The following LTK variants were observed in gnomAD, a reference collection of about 807,000 sequenced individuals.
LTK encodes the protein leukocyte receptor tyrosine kinase.
LTK carries 117 observed loss-of-function variants against 101.5 expected under a neutral mutation model. The observed-to-expected ratio is 1.15, with a 90% CI of 0.99 to 1.34. The LOEUF is 1.34. Ranked by LOEUF, LTK falls within the 40% of genes most tolerant of loss-of-function variation. LTK has a pLI of 0.00. For synonymous variants in LTK, 563 were observed against 494.2 expected, an observed-to-expected ratio of 1.14 and a Z score of -1.85; for missense variants, 1,252 against 1,164.7, an observed-to-expected ratio of 1.07 and a Z score of -1.09.
Position 41,505,321 on chromosome 15 carries a change from G to A in LTK, c.1828-16C>T, listed in dbSNP as rs753446688. ...ATGGCTGGCCCTGGGTCAGGCAGAG[G>A]GGGCATCAGTCCATGTAGGTCTCAG... On this transcript the variant is annotated splice_polypyrimidine_tract_variant and intron_variant, in intron 14 of 19. Transcript: ENST00000263800. 4 of 1,613,680 alleles carry A rather than the reference G, an allele frequency of 2.5e-6. No homozygotes were observed. The highest frequency in any genetic ancestry group is 1.7e-6 in the Non-Finnish European group (2 of 1,179,816).
intron 11 of LTK, 107 bp downstream of exon 11, chr15:41,506,988 G>A (rs1201970587): frequency 9.1e-7 from 1 of 1,093,502 alleles, no homozygotes; most frequent in Non-Finnish European, 1.3e-6. Flanking sequence ...TTACACAAGG[G>A]ATGTGGGCCA....
chr15:41,510,456 C>A (rs1026937549), intron 7 of LTK, among the ~76,000 whole-genome samples: 6 of 151,014 alleles, frequency 4.0e-5, no homozygotes, highest in African/African-American at 1.5e-4. Flanking sequence ...AGGATAATTT[C>A]CATTGTTTTT....
chr15:41,504,770 C>T lies in LTK; in HGVS notation c.2120+3G>A, dbSNP rs776555707. On this transcript the variant is annotated splice_donor_region_variant and intron_variant, in intron 17 of 19. Transcript: ENST00000263800. ...GGGAAGGGGAGGGGAAGGGTGTTAT[C>T]ACCAGGAATCTGTCTTGGATGTGAA... 2.6e-6 allele frequency: 4 copies of T among 1,564,194 alleles called. No homozygotes were observed. Among genetic ancestry groups the T allele is most frequent in the Non-Finnish European group, 3.5e-6 (4 of 1,142,498 alleles).
In LTK at chr15:41,505,778, C is replaced by G; in HGVS notation, c.1633-1G>C. The stretch of plus-strand genomic sequence containing the variant: ...GAGGCGAGCAGAGTTCTGGCAGGGT[C>G]TGGGGAGGAAAAGGGCACAGTTTCT... On this transcript the variant is annotated splice_acceptor_variant, in intron 12 of 19. Transcript: ENST00000263800. LOFTEE classifies it high-confidence loss of function. 2 of 1,613,788 alleles carry G rather than the reference C, an allele frequency of 1.2e-6. No individual in the cohort carries two copies. The highest frequency in any genetic ancestry group is 1.7e-6 in the Non-Finnish European group (2 of 1,179,888).
Position 41,507,639 on chromosome 15 carries a change from C to T in LTK, c.1268G>A (p.Gly423Asp), listed in dbSNP as rs777304468. 6.2e-6 allele frequency: 10 copies of T among 1,613,602 alleles called. No homozygotes were observed. The East Asian group carries it at 8.9e-5, about 14-fold the overall frequency. Residue 423 changes from glycine to aspartate, a missense_variant, in exon 10 of 20, where the codon GGC (glycine) becomes GAC (aspartate). Transcript: ENST00000263800. ...CACAGCCACCATCAGAACCAGAGGG[C>T]CTGGGGGCTTGTGCAGGTCTAGGGA... ...VTCMDLHKPP[G>D]PLVLMVAVVA...
chr15:41,508,740 T>C (rs2051364542), intron 8 of LTK, among the ~76,000 whole-genome samples: 1 of 152,156 alleles, frequency 6.6e-6, no homozygotes, highest in African/African-American at 2.4e-5. Context: ...TTGAAGCGAA[T>C]TCATAGCAAG....
At chr15:41,508,890 A>G (rs2140717473) in intron 8 of LTK, 141 bp downstream of exon 8, 1 of 528,716 alleles carries the variant, frequency 1.9e-6, no homozygotes, top group East Asian at 3.1e-5. Context: ...CCACTTTTCA[A>G]ATGACCCTAT....
In LTK at chr15:41,511,575, G is replaced by A; in HGVS notation, c.661C>T (p.Arg221Cys). ...GGGATYVFRV[R>C]AGELEPLLVA... ...AGCAACGGTTCCAGCTCGCCAGCGC[G>A]CACCTGTGGGGCCAGCGGCGTGTTC... The change falls in exon 6 of 20, where the codon CGC (arginine) becomes TGC (cysteine). Residue 221 changes from arginine (R) to cysteine (C), a missense_variant. Transcript: ENST00000263800. This position sits in a 1 kb window ranked among gnomAD's most constrained non-coding sequence, Gnocchi z 5.9. 2 of 1,441,890 alleles carry A rather than the reference G, an allele frequency of 1.4e-6. No individual in the cohort carries two copies. Among genetic ancestry groups the A allele is most frequent in the South Asian group, 1.5e-5 (1 of 66,844 alleles). 89.3% of individuals were successfully genotyped at this position (1,441,890 alleles called of 1,614,324 possible).
intron 11 of LTK, 78 bp from the exon 12 acceptor site, chr15:41,506,083 TCCCCTG>T (rs2051272621): frequency 1.1e-6 from 1 of 892,564 alleles, no homozygotes; most frequent in Non-Finnish European, 1.8e-6. Flanking sequence ...CCCCTTTACC[TCCCCTG>T]CCCCTGCCAT....
chr15:41,507,051 G>A, intron 11 of LTK, 44 bp downstream of exon 11: 1 of 1,541,650 alleles, frequency 6.5e-7, no homozygotes, highest in Non-Finnish European at 8.8e-7. Flanking sequence ...TCAGAGGTGG[G>A]GATTCAGAGT....
chr15:41,505,420 C>G lies in LTK; in HGVS notation c.1808G>C (p.Arg603Thr), dbSNP rs749509925. 6.4e-5 allele frequency: 103 copies of G among 1,613,940 alleles called. No homozygotes were observed. Among genetic ancestry groups the G allele is most frequent in the Non-Finnish European group, 8.2e-5 (97 of 1,179,996 alleles). The change falls in exon 14 of 20, where the codon AGG (arginine) becomes ACG (threonine). Residue 603 changes from arginine to threonine, a missense_variant. Arg to Thr is a moderately conservative substitution (Grantham distance 71, BLOSUM62 -1). Coordinates refer to ENST00000263800, the MANE Select transcript of LTK (RefSeq NM_002344.6). ...TCTCACCAGGTGTGGCCGACTGTGC[C>G]TCAGGAAACTCTTCATGTCCCCTCC... The part of the protein sequence containing the change: ...MSGGDMKSFL[R>T]HSRPHLGQPS...
chr15:41,509,007 C>T (rs1234293448), intron 8 of LTK, 24 bp downstream of exon 8: 6 of 1,551,862 alleles, frequency 3.9e-6, no homozygotes, highest in African/African-American at 1.4e-5. Context: ...AGGCCAGGCT[C>T]AGAGGTGGGG....
Position 41,511,187 on chromosome 15 carries a change from C to T in LTK, c.974G>A (p.Gly325Asp). ...FGGGGGACTA[G>D]GGGGGYRGGD... ...ACCCCTGTAGCCGCCGCCGCCTCCG[C>T]CCGCAGTGCAGGCCCCGCCGCCGCC... Residue 325 changes from glycine to aspartate, a missense_variant, in exon 7 of 20, where the codon GGC becomes GAC. Physicochemically the swap from Gly to Asp is moderately conservative, Grantham distance 94. Coordinates refer to ENST00000263800, the MANE Select transcript of LTK (RefSeq NM_002344.6). This position sits in a 1 kb window ranked among gnomAD's most constrained non-coding sequence, Gnocchi z 5.9. 1.4e-6 allele frequency: 2 copies of T among 1,408,050 alleles called. No individual in the cohort carries two copies. Among genetic ancestry groups the T allele is most frequent in the Non-Finnish European group, 1.8e-6 (2 of 1,089,694 alleles). 87.2% of individuals were successfully genotyped at this position (1,408,050 alleles called of 1,614,324 possible). A position where few individuals can be genotyped will look rare whatever the true frequency, so the allele number is the denominator to read the frequency against.
At chr15:41,506,958 T>A in intron 11 of LTK, 137 bp downstream of exon 11, 1 of 732,614 alleles carries the variant, frequency 1.4e-6, no homozygotes, top group Non-Finnish European at 2.2e-6. Context: ...TTCTGGAGCT[T>A]CTCAGGGCCT....
rs1435318853 is a variant in LTK, at chr15:41,504,051, AG to A, written c.2539del (p.Leu847SerfsTer?). ...CTGAGGTTGGAGGCCCCTGGATTTG[AG>A]GGGCTTGAGGCCAGAGGACAGCCAG... is the stretch of plus-strand genomic sequence containing the variant. ...GPWLSSGLKP[L>X]KSRGLQPQNL... On this transcript the variant is annotated frameshift_variant, in exon 20 of 20. Coordinates refer to ENST00000263800, the MANE Select transcript of LTK (RefSeq NM_002344.6). LOFTEE classifies it high-confidence loss of function. The A allele has an allele frequency of 6.8e-6, 11 of 1,613,526 alleles. No individual in the cohort carries two copies. The highest frequency in any genetic ancestry group is 9.3e-6 in the Non-Finnish European group (11 of 1,179,884).
chr15:41,511,847 CCCGCCACCT>C lies in LTK; in HGVS notation c.618_626del (p.Gly211_Gly213del). On this transcript the variant is annotated inframe_deletion, in exon 5 of 20. Transcript: ENST00000263800. This position sits in a 1 kb window ranked among gnomAD's most constrained non-coding sequence, Gnocchi z 5.9. ...AAACGTAGGTGGCGCCCCCGCCACC[CCCGCCACCT>C]CCCGCCCAGCGCCGCGACCCCGGGA... 1 of 1,475,698 alleles carries C rather than the reference CCCGCCACCT, an allele frequency of 6.8e-7. No homozygotes were observed. 91.4% of individuals were successfully genotyped at this position (1,475,698 alleles called of 1,614,324 possible).
At chr15:41,508,489 G>T (rs527957677) in intron 8 of LTK, among the ~76,000 whole-genome samples, 1 of 151,920 alleles carries the variant, frequency 6.6e-6, no homozygotes, top group Non-Finnish European at 1.5e-5. Context: ...CCCGGGAGGC[G>T]GAGGTTGCAG....
At position 41,511,942 on chromosome 15, in the gene LTK, C is replaced by T; in HGVS notation, c.532G>A (p.Val178Ile). 1 of 1,492,426 alleles carries T rather than the reference C, an allele frequency of 6.7e-7. No homozygotes were observed. Among genetic ancestry groups the T allele is most frequent in the Non-Finnish European group, 8.8e-7 (1 of 1,135,634 alleles). 92.4% of individuals were successfully genotyped at this position (1,492,426 alleles called of 1,614,324 possible). Residue 178 changes from valine to isoleucine, a missense_variant, in exon 5 of 20, where the codon GTC becomes ATC. Coordinates refer to ENST00000263800, the MANE Select transcript of LTK (RefSeq NM_002344.6). This position sits in a 1 kb window ranked among gnomAD's most constrained non-coding sequence, Gnocchi z 5.9. ...ACGGCTCGAGACTCCCCGAGGCAGA[C>T]GAGCTGGCTCTCCGGGCTACCCTGC... ...CPGGSPESQL[V>I]CLGESRAVEE...
At chr15:41,506,841 C>T (rs368870114) in intron 11 of LTK, among the ~76,000 whole-genome samples, 28 of 152,190 alleles carry the variant, frequency 1.8e-4, no homozygotes, top group African/African-American at 6.3e-4. Context: ...CTGCCTGCCT[C>T]GACCTCCCAA....
Sources: gnomAD v4.1 joint callset for allele counts (sites outside exome capture counted in the v4.1 genomes callset) on GRCh38, gnomAD v4.1.1 for gene constraint, Gnocchi (gnomAD v3.1) non-coding constraint, MANE v1.5 for transcripts, NCBI Gene and HGNC (gene_info 2026-07-23, HGNC 2026-07-21) for gene names.